MARCHF6: variants seen among roughly 807,000 people sequenced by gnomAD.
MARCHF6 encodes membrane associated ring-CH-type finger 6.
In MARCHF6, 31 loss-of-function variants were observed where a neutral mutation model predicts 133.7. The observed-to-expected ratio is 0.23, with a 90% CI of 0.17 to 0.31. The LOEUF (loss-of-function observed/expected upper bound fraction) is 0.31. Among genes scored for constraint, MARCHF6 ranks in the 10% least tolerant of loss-of-function variants. The pLI, the probability that MARCHF6 is intolerant of heterozygous loss-of-function variation, is 1.00. For synonymous variants in MARCHF6, 395 were observed against 402.5 expected (o/e 0.98, Z 0.22); for missense variants, 723 against 1,121.6 (o/e 0.64, Z 5.08).
Position 10,438,166 on chromosome 5 carries a change from C to T in MARCHF6, c.*4482C>T, listed in dbSNP as rs1740720473. ...CTACGAGATCAGAAAGTCAGTTTCA[C>T]TAAGGTTGTCTTTTAGCTGAATACT... On this transcript the variant is annotated 3_prime_UTR_variant, in exon 26 of 26. Coordinates refer to ENST00000274140, the MANE Select transcript of MARCHF6 (RefSeq NM_005885.4). 6.6e-6 allele frequency: 1 copy of T among 152,150 alleles called. No individual in the cohort carries two copies. Among genetic ancestry groups the T allele is most frequent in the Admixed American group, 6.5e-5 (1 of 15,268 alleles). The allele number at this position is 152,150 out of a possible 1,614,324, so 9.4% of individuals were successfully genotyped here.
At chr5:10,357,963 T>A (rs1032276024) in intron 1 of MARCHF6, among the ~76,000 whole-genome samples, 1 of 127,902 alleles carries the variant, frequency 7.8e-6, no homozygotes, top group African/African-American at 2.9e-5. Flanking sequence ...AGGGCATGGG[T>A]TGCTTTTTTT....
intron 5 of MARCHF6, among the ~76,000 whole-genome samples, chr5:10,389,023 T>A (rs1473598260): frequency 1.3e-5 from 2 of 152,188 alleles, no homozygotes; most frequent in Non-Finnish European, 2.9e-5. Flanking sequence ...TATTGCAGAC[T>A]ATATTTTCCT....
At chr5:10,360,380 C>T (rs2126642047) in intron 1 of MARCHF6, among the ~76,000 whole-genome samples, 1 of 151,958 alleles carries the variant, frequency 6.6e-6, no homozygotes, top group East Asian at 1.9e-4. Context: ...CTCAGGTGAT[C>T]CATCTGCCTC....
At chr5:10,396,355 T>A (rs1423945212) in intron 9 of MARCHF6, among the ~76,000 whole-genome samples, 1 of 151,898 alleles carries the variant, frequency 6.6e-6, no homozygotes, top group Admixed American at 6.6e-5. Context: ...CAGCAGGAGA[T>A]TTTCCGCGAA....
At chr5:10,412,852 G>A (rs1367160316) in intron 19 of MARCHF6, among the ~76,000 whole-genome samples, 2 of 152,200 alleles carry the variant, frequency 1.3e-5, no homozygotes, top group East Asian at 1.9e-4. Flanking sequence ...TGGAATACAG[G>A]TGTAAGCCAC....
chr5:10,381,665 T>C, intron 3 of MARCHF6, 135 bp from the exon 4 acceptor site: 1 of 652,100 alleles, frequency 1.5e-6, no homozygotes, highest in East Asian at 3.1e-5. Flanking sequence ...AACTATTTGG[T>C]TTATTTTTTT....
rs1579607017 is a variant in MARCHF6 at position 10,415,634 on chromosome 5, G to A, written c.2113G>A (p.Val705Met). The change falls in exon 21 of 26, where the codon GTG (valine) becomes ATG (methionine). Residue 705 changes from valine to methionine, a missense_variant. Physicochemically the swap from Val to Met is conservative, Grantham distance 21. Around this residue, in one of 4 missense-constraint regions of MARCHF6, gnomAD observed 492 missense variants for 699.5 expected, o/e 0.70. Transcript: ENST00000274140. Reference protein sequence around the residue: ...MVAWMPQGRRVIFQKVKEWSL... With the variant: ...MVAWMPQGRRMIFQKVKEWSL... Reference sequence around the variant, plus strand: ...GGCATGGATGCCTCAGGGACGCAGAGTGATCTTCCAGAAGGTTAAAGAGTG... The same window carrying A: ...GGCATGGATGCCTCAGGGACGCAGAATGATCTTCCAGAAGGTTAAAGAGTG... 1.2e-6 allele frequency: 2 copies of A among 1,614,138 alleles called. No homozygotes were observed. The highest frequency in any genetic ancestry group is 1.1e-5 in the South Asian group (1 of 91,080).
At chr5:10,404,379 T>C (rs908535208) in intron 15 of MARCHF6, among the ~76,000 whole-genome samples, 1 of 152,166 alleles carries the variant, frequency 6.6e-6, no homozygotes, top group African/African-American at 2.4e-5. Context: ...GATACCTTTA[T>C]TAGTTCTATG....
chr5:10,353,836 C>T lies in MARCHF6; in HGVS notation c.-63C>T. On this transcript the variant is annotated 5_prime_UTR_variant, in exon 1 of 26. Coordinates refer to ENST00000274140, the MANE Select transcript of MARCHF6 (RefSeq NM_005885.4). ...GCCCGGCTCCCTCCTCCTCTCCCCT[C>T]CCTCTTTCCCCGCCCGGCCGCGGGA... is the stretch of plus-strand genomic sequence containing the variant. 6.7e-7 allele frequency: 1 copy of T among 1,494,544 alleles called. No homozygotes were observed. Among genetic ancestry groups the T allele is most frequent in the Non-Finnish European group, 9.0e-7 (1 of 1,105,484 alleles). 92.6% of individuals were successfully genotyped at this position (1,494,544 alleles called of 1,614,324 possible).
At chr5:10,419,938 AT>A (rs1412130098) in intron 22 of MARCHF6, among the ~76,000 whole-genome samples, 3 of 152,192 alleles carry the variant, frequency 2.0e-5, no homozygotes, top group African/African-American at 7.2e-5. Context: ...GCTGGGAATG[AT>A]TTGACAGTTA....
At chr5:10,430,733 G>A (rs1005781880) in intron 25 of MARCHF6, among the ~76,000 whole-genome samples, 1 of 152,146 alleles carries the variant, frequency 6.6e-6, no homozygotes, top group Non-Finnish European at 1.5e-5. Context: ...GCCTGCATAA[G>A]CCCCTCTTGC....
intron 1 of MARCHF6, chr5:10,354,618 A>T (rs1735331697): frequency 6.6e-6 from 1 of 152,212 alleles, no homozygotes. Flanking sequence ...AATACTTAAG[A>T]TATAAACGTC....
intron 22 of MARCHF6, among the ~76,000 whole-genome samples, chr5:10,420,309 C>A (rs1031537959): frequency 2.0e-5 from 3 of 152,142 alleles, no homozygotes; most frequent in African/African-American, 4.8e-5. Context: ...AGGACATAGA[C>A]CCCCTACCAC....
intron 11 of MARCHF6, chr5:10,401,249 A>G (rs1258230126): frequency 6.2e-6 from 1 of 160,538 alleles, no homozygotes; most frequent in Non-Finnish European, 1.4e-5. Context: ...AGTGTTTTCT[A>G]GAGTGCTTTA....
chr5:10,429,864 CT>C, intron 24 of MARCHF6, 28 bp from the exon 25 acceptor site: 2 of 1,597,680 alleles, frequency 1.3e-6, no homozygotes, highest in South Asian at 2.2e-5. Flanking sequence ...TTCACATACA[CT>C]GAAAGTTTTT....
At chr5:10,370,482 A>G (rs1736404269) in intron 1 of MARCHF6, among the ~76,000 whole-genome samples, 1 of 152,222 alleles carries the variant, frequency 6.6e-6, no homozygotes, top group Non-Finnish European at 1.5e-5. Context: ...ATTTTTAAGT[A>G]TATACTTCAG....
At chr5:10,376,885 A>G (rs1294448564) in intron 1 of MARCHF6, among the ~76,000 whole-genome samples, 4 of 152,176 alleles carry the variant, frequency 2.6e-5, no homozygotes, top group Non-Finnish European at 4.4e-5. Context: ...TTCCCGTGAG[A>G]GATTAGGCTG....
chr5:10,422,926 C>G (rs1362386235), intron 22 of MARCHF6, among the ~76,000 whole-genome samples: 1 of 151,448 alleles, frequency 6.6e-6, no homozygotes, highest in Non-Finnish European at 1.5e-5. Context: ...AGGTAGTGAT[C>G]ACAGAGGACT....
intron 23 of MARCHF6, among the ~76,000 whole-genome samples, chr5:10,425,878 A>G (rs1740056706): frequency 1.3e-5 from 2 of 152,118 alleles, no homozygotes; most frequent in Non-Finnish European, 2.9e-5. Flanking sequence ...TTTTATATTC[A>G]CTATAGAATT....
Sources: gnomAD v4.1 joint callset for allele counts (sites outside exome capture counted in the v4.1 genomes callset) on GRCh38, gnomAD v4.1.1 for gene constraint, gnomAD v4.1.1 regional missense constraint, MANE v1.5 for transcripts, NCBI Gene and HGNC (gene_info 2026-07-23, HGNC 2026-07-21) for gene names.